RAI14: variants seen among roughly 807,000 people sequenced by gnomAD.
The protein encoded by RAI14 is ankycorbin.
RAI14 carries 45 observed loss-of-function variants against 115.4 expected under a neutral mutation model. The observed-to-expected ratio is 0.39, with a 90% CI of 0.31 to 0.50. RAI14 has a LOEUF of 0.50. RAI14 is among the 20% of genes least tolerant of loss of function. The probability of loss-of-function intolerance (pLI) is 0.85; values close to 1 mark genes in which losing one functional copy is unlikely to be tolerated. For synonymous variants in RAI14, 371 were observed against 415.4 expected (o/e 0.89, Z 1.30); for missense variants, 939 against 1,131.2 (o/e 0.83, Z 2.44).
intron 5 of RAI14, among the ~76,000 whole-genome samples, chr5:34,806,202 T>C (rs1376629610): frequency 2.0e-5 from 3 of 152,144 alleles, no homozygotes; most frequent in Admixed American, 2.0e-4. Context: ...GCAAAGGACC[T>C]GAGGTCACAA....
At chr5:34,818,755 A>T in intron 12 of RAI14, 42 bp from the exon 13 acceptor site, 1 of 1,524,978 alleles carries the variant, frequency 6.6e-7, no homozygotes, top group Non-Finnish European at 9.1e-7. Context: ...GTGTAATGTT[A>T]CATTTAGAAA....
intron 2 of RAI14, among the ~76,000 whole-genome samples, chr5:34,723,626 T>C (rs1174382750): frequency 1.3e-5 from 2 of 152,134 alleles, no homozygotes; most frequent in African/African-American, 4.8e-5. Flanking sequence ...CGTCGCATAG[T>C]GGAGATGAGG....
chr5:34,716,117 T>C (rs1741960171), intron 2 of RAI14: 1 of 428,538 alleles, frequency 2.3e-6, no homozygotes, highest in African/African-American at 2.1e-5. Flanking sequence ...TCTGCAGTTA[T>C]TTGTGGCAAA....
chr5:34,755,828 A>G (rs1021368053), intron 2 of RAI14, among the ~76,000 whole-genome samples: 1 of 152,258 alleles, frequency 6.6e-6, no homozygotes, highest in African/African-American at 2.4e-5. Context: ...TATAATAAGA[A>G]TTTTGAGCTT....
intron 3 of RAI14, among the ~76,000 whole-genome samples, chr5:34,790,769 T>C (rs940051488): frequency 1.2e-5 from 1 of 84,278 alleles, no homozygotes; most frequent in Non-Finnish European, 3.1e-5. Context: ...TATATATACA[T>C]ATATATATAT....
chr5:34,810,868 T>A, intron 7 of RAI14, 144 bp from the exon 8 acceptor site: 1 of 1,268,036 alleles, frequency 7.9e-7, no homozygotes, highest in South Asian at 1.5e-5. Context: ...TCTATAGGGG[T>A]ACAGAATATC....
intron 13 of RAI14, 45 bp from the exon 14 acceptor site, chr5:34,821,687 A>G (rs1756846494): frequency 9.1e-7 from 1 of 1,103,970 alleles, no homozygotes; most frequent in Non-Finnish European, 1.4e-6. Flanking sequence ...TAGAGAAATA[A>G]GAGTTTAATT....
chr5:34,698,248 T>C (rs1739582360), intron 2 of RAI14, among the ~76,000 whole-genome samples: 1 of 146,576 alleles, frequency 6.8e-6, no homozygotes, highest in South Asian at 2.3e-4. Flanking sequence ...TTCTCACCTG[T>C]AAACTGAGGC....
chr5:34,700,158 G>T (rs182883580), intron 2 of RAI14, among the ~76,000 whole-genome samples: 7 of 152,274 alleles, frequency 4.6e-5, no homozygotes, highest in Admixed American at 3.3e-4. Flanking sequence ...AATAACAAAG[G>T]GTATGATTTA....
intron 2 of RAI14, among the ~76,000 whole-genome samples, chr5:34,725,071 A>G (rs1743278417): frequency 1.3e-5 from 2 of 152,224 alleles, no homozygotes; most frequent in Admixed American, 1.3e-4. Context: ...CAACTTCATT[A>G]TGATTTAAAT....
chr5:34,751,558 C>T (rs1747024640), intron 2 of RAI14, among the ~76,000 whole-genome samples: 1 of 152,212 alleles, frequency 6.6e-6, no homozygotes, highest in South Asian at 2.1e-4. Flanking sequence ...TGTCTTGCTT[C>T]TTTCAACAGT....
At chr5:34,773,311 A>C (rs1026857611) in intron 3 of RAI14, among the ~76,000 whole-genome samples, 1 of 152,214 alleles carries the variant, frequency 6.6e-6, no homozygotes, top group African/African-American at 2.4e-5. Context: ...AAACTACCAG[A>C]ATAAAACATA....
intron 3 of RAI14, among the ~76,000 whole-genome samples, chr5:34,779,950 A>T (rs1410020318): frequency 6.6e-6 from 1 of 152,222 alleles, no homozygotes; most frequent in Non-Finnish European, 1.5e-5. Context: ...TGGAGGCATC[A>T]CACTACCTGA....
In RAI14 at chr5:34,830,932, C is replaced by A; in HGVS notation, c.*167C>A. 8.1e-7 allele frequency: 1 copy of A among 1,241,010 alleles called. No homozygotes were observed. The highest frequency in any genetic ancestry group is 1.5e-5 in the African/African-American group (1 of 65,708). The allele number at this position is 1,241,010 out of a possible 1,614,324, so 76.9% of individuals were successfully genotyped here. A position where few individuals can be genotyped will look rare whatever the true frequency, so the allele number is the denominator to read the frequency against. On this transcript the variant is annotated 3_prime_UTR_variant, in exon 18 of 18. Transcript: ENST00000265109. Reference sequence around the variant, plus strand: ...GGACTTCTCCCAGGAGAAGACTGCCCGCCTCAGAACTGCTTAGAGACTTCA... The same window carrying A: ...GGACTTCTCCCAGGAGAAGACTGCCAGCCTCAGAACTGCTTAGAGACTTCA...
chr5:34,679,264 A>C (rs1244075588), intron 1 of RAI14, among the ~76,000 whole-genome samples: 1 of 152,210 alleles, frequency 6.6e-6, no homozygotes, highest in Non-Finnish European at 1.5e-5. Flanking sequence ...GAAAATTTGC[A>C]CCATGGGCTA....
intron 2 of RAI14, among the ~76,000 whole-genome samples, chr5:34,731,651 A>C (rs565406035): frequency 5.3e-5 from 8 of 152,360 alleles, no homozygotes; most frequent in Admixed American, 4.6e-4. Context: ...GCAGGAACAA[A>C]AAGAAAAAAA....
intron 2 of RAI14, among the ~76,000 whole-genome samples, chr5:34,719,292 C>CA (rs1009349089): frequency 2.0e-5 from 3 of 152,202 alleles, no homozygotes; most frequent in Admixed American, 1.3e-4. Context: ...GGCTGGGTTC[C>CA]AAAAGGAAAC....
intron 3 of RAI14, among the ~76,000 whole-genome samples, chr5:34,762,125 A>T (rs921482857): frequency 3.9e-5 from 6 of 152,200 alleles, no homozygotes; most frequent in African/African-American, 7.2e-5. Flanking sequence ...TTGTGTAAAT[A>T]ACTTTTCAGT....
In RAI14 at chr5:34,813,596, G is replaced by T; in HGVS notation, c.788G>T (p.Ser263Ile). The change falls in exon 11 of 18, where the codon AGC (serine) becomes ATC (isoleucine). Residue 263 changes from serine to isoleucine, a missense_variant. Transcript: ENST00000265109. ...PKQHDQVSKI[S>I]SERSGTPKKR... ...CAGCATGACCAAGTCTCTAAAATAA[G>T]CTCAGAAAGAAGTGGAACTCCAAAA... 1 of 1,612,942 alleles carries T rather than the reference G, an allele frequency of 6.2e-7. No homozygotes were observed. The highest frequency in any genetic ancestry group is 8.5e-7 in the Non-Finnish European group (1 of 1,179,316).
Sources: allele counts gnomAD v4.1 joint callset (sites outside exome capture counted in the v4.1 genomes callset), GRCh38; gene constraint gnomAD v4.1.1; transcripts MANE v1.5; gene names NCBI Gene and HGNC (gene_info 2026-07-23, HGNC 2026-07-21).